The following SEMA6D variants were observed in gnomAD, a reference collection of about 807,000 sequenced individuals.
SEMA6D encodes semaphorin 6D, also known as semaphorin-6D.
Under a neutral mutation model 106.6 loss-of-function variants are expected in SEMA6D, and 35 were observed. The ratio of observed to expected loss-of-function variants is 0.33; its 90% CI spans 0.25 to 0.44. SEMA6D has a LOEUF of 0.44. Ranked by LOEUF, SEMA6D falls within the 20% of genes least tolerant of loss-of-function variation. The pLI, the probability that SEMA6D is intolerant of heterozygous loss-of-function variation, is 1.00. For missense variants in SEMA6D, 1,185 were observed against 1,345.9 expected, an observed-to-expected ratio of 0.88 and a Z score of 1.87; for synonymous variants, 499 against 487.7, an observed-to-expected ratio of 1.02 and a Z score of -0.31.
intron 3 of SEMA6D, among the ~76,000 whole-genome samples, chr15:47,534,306 G>A (rs10851454): frequency 0.27 from 40,519 of 151,700 alleles, 5,746 homozygotes; most frequent in East Asian, 0.47. Flanking sequence ...TTCTCGTGCC[G>A]CAGCCTCCCT....
chr15:47,319,761 G>A (rs941297078), intron 1 of SEMA6D, among the ~76,000 whole-genome samples: 15 of 152,084 alleles, frequency 9.9e-5, no homozygotes, highest in African/African-American at 2.4e-5. Context: ...CTTGAAGCAT[G>A]AGGGGATTAT....
intron 1 of SEMA6D, among the ~76,000 whole-genome samples, chr15:47,362,250 G>A (rs962295107): frequency 1.3e-5 from 2 of 152,142 alleles, no homozygotes; most frequent in Non-Finnish European, 2.9e-5. Context: ...AACAACTCAC[G>A]CCTGCCTTGG....
chr15:47,471,931 T>TCACACACACACACA (rs1168586101), intron 3 of SEMA6D, among the ~76,000 whole-genome samples: 30 of 121,502 alleles, frequency 2.5e-4, no homozygotes, highest in Non-Finnish European at 4.0e-4. Context: ...TCTCTCTCTC[T>TCACACACACACACA]CACACACACA....
At chr15:47,426,371 T>G (rs2041338953) in intron 2 of SEMA6D, among the ~76,000 whole-genome samples, 1 of 152,128 alleles carries the variant, frequency 6.6e-6, no homozygotes, top group Non-Finnish European at 1.5e-5. Flanking sequence ...CCTCGTTTTA[T>G]CACAAGAACC....
chr15:47,748,984 G>A (rs762367824), intron 1 of SEMA6D, among the ~76,000 whole-genome samples: 9 of 152,014 alleles, frequency 5.9e-5, no homozygotes, highest in South Asian at 2.1e-4. Flanking sequence ...AGACGGGGCC[G>A]TCTAGGAAGA....
intron 1 of SEMA6D, among the ~76,000 whole-genome samples, chr15:47,318,217 C>T (rs756726376): frequency 1.2e-4 from 18 of 150,908 alleles, no homozygotes; most frequent in African/African-American, 2.9e-4. Flanking sequence ...ATAGAAGTTG[C>T]GAATATTTTT....
intron 3 of SEMA6D, among the ~76,000 whole-genome samples, chr15:47,566,889 T>C (rs1400684004): frequency 6.7e-6 from 1 of 148,440 alleles, no homozygotes; most frequent in Non-Finnish European, 1.5e-5. Flanking sequence ...AAGATGTTTT[T>C]GCTTTGTTTA....
intron 1 of SEMA6D, among the ~76,000 whole-genome samples, chr15:47,731,648 A>G (rs986148947): frequency 1.8e-4 from 28 of 152,218 alleles, no homozygotes; most frequent in Non-Finnish European, 3.8e-4. Context: ...CTTCCAATGC[A>G]TAAAAAAACT....
intron 6 of SEMA6D, 51 bp from the exon 7 acceptor site, chr15:47,761,610 A>G (rs2082065611): frequency 7.0e-7 from 1 of 1,422,694 alleles, no homozygotes. Flanking sequence ...ATTGCCTTCA[A>G]ACGGGCACGT....
In SEMA6D at chr15:47,232,296, G is replaced by C. The variant is rs183630079; in HGVS notation, c.-239+47878G>C. On this transcript the variant is annotated intron_variant, in intron 1 of 19. Coordinates refer to the SEMA6D transcript ENST00000558014. ...TTCCACCTTTTGGCAACAATGAATA[G>C]TGCTGTAATAAACATTTGTGGTGAA... 2.0e-3 allele frequency among the ~76,000 whole-genome samples: 302 copies of C among 152,064 alleles called. 2 individuals are homozygous for C. The highest frequency in any genetic ancestry group is 6.9e-3 in the African/African-American group (286 of 41,546).
At chr15:47,573,566 G>A (rs935086234) in intron 3 of SEMA6D, among the ~76,000 whole-genome samples, 1 of 152,154 alleles carries the variant, frequency 6.6e-6, no homozygotes, top group African/African-American at 2.4e-5. Context: ...CACCCTGCTA[G>A]TCCAGATGTT....
intron 2 of SEMA6D, among the ~76,000 whole-genome samples, chr15:47,440,194 AAG>A (rs1256061051): frequency 6.6e-6 from 1 of 152,110 alleles, no homozygotes; most frequent in Non-Finnish European, 1.5e-5. Flanking sequence ...ACATATGAGC[AAG>A]AGAGAAATAC....
chr15:47,209,235 A>T (rs1325131382), intron 1 of SEMA6D, among the ~76,000 whole-genome samples: 1 of 152,224 alleles, frequency 6.6e-6, no homozygotes, highest in Non-Finnish European at 1.5e-5. Flanking sequence ...ATGCCATGTT[A>T]AATTTAAACT....
intron 1 of SEMA6D, among the ~76,000 whole-genome samples, chr15:47,258,164 T>A (rs1195218277): frequency 6.6e-6 from 1 of 152,214 alleles, no homozygotes; most frequent in African/African-American, 2.4e-5. Context: ...ATATCAGAGC[T>A]TTCTTTGTTA....
chr15:47,590,516 A>T (rs566306131), intron 3 of SEMA6D, among the ~76,000 whole-genome samples: 6 of 145,686 alleles, frequency 4.1e-5, no homozygotes, highest in Admixed American at 2.8e-4. Flanking sequence ...ATACCCTAGA[A>T]CTTAAAGTAT....
At chr15:47,425,476 T>A (rs557298838) in intron 2 of SEMA6D, among the ~76,000 whole-genome samples, 1 of 152,192 alleles carries the variant, frequency 6.6e-6, no homozygotes, top group Non-Finnish European at 1.5e-5. Context: ...AACAGAATCC[T>A]ATGTTTGATC....
At chr15:47,468,636 A>G (rs2042733352) in intron 2 of SEMA6D, among the ~76,000 whole-genome samples, 1 of 152,174 alleles carries the variant, frequency 6.6e-6, no homozygotes, top group Non-Finnish European at 1.5e-5. Flanking sequence ...TGCTTATCAA[A>G]ACCCTTTATT....
intron 1 of SEMA6D, among the ~76,000 whole-genome samples, chr15:47,301,919 G>A (rs78252824): frequency 0.023 from 3,560 of 152,252 alleles, 106 homozygotes; most frequent in African/African-American, 0.06. Context: ...AGACTAACCT[G>A]TGTAGAAAAT....
intron 2 of SEMA6D, among the ~76,000 whole-genome samples, chr15:47,451,247 C>T (rs2042182888): frequency 6.6e-6 from 1 of 152,012 alleles, no homozygotes; most frequent in Non-Finnish European, 1.5e-5. Context: ...GAGTGGGTTT[C>T]AGGAGCCCTG....
Sources: gnomAD v4.1 joint callset for allele counts (sites outside exome capture counted in the v4.1 genomes callset) on GRCh38, gnomAD v4.1.1 for gene constraint, MANE v1.5 for transcripts, NCBI Gene and HGNC (gene_info 2026-07-23, HGNC 2026-07-21) for gene names.